The following TRPM5 variants were observed in gnomAD, a reference collection of about 807,000 sequenced individuals.
TRPM5 encodes the protein transient receptor potential cation channel subfamily M member 5.
Under a neutral mutation model 124.9 loss-of-function variants are expected in TRPM5, and 121 were observed. That is an observed-to-expected ratio of 0.97 (90% CI 0.84 to 1.13). The LOEUF (loss-of-function observed/expected upper bound fraction) is 1.13. TRPM5 is among the 50% of genes most tolerant of loss of function. The probability of loss-of-function intolerance (pLI) is 0.00; values close to 1 mark genes in which losing one functional copy is unlikely to be tolerated. For synonymous variants in TRPM5, 781 were observed against 700.5 expected (o/e 1.11, Z -1.81); for missense variants, 1,643 against 1,589.1 (o/e 1.03, Z -0.58).
upstream of TRPM5, among the ~76,000 whole-genome samples, chr11:2,424,711 C>T (rs534236290): frequency 5.9e-5 from 9 of 152,338 alleles, no homozygotes; most frequent in Non-Finnish European, 1.3e-4. Context: ...CTTGGCCTTG[C>T]CGACAGTTTG....
the TRPM5 span, among the ~76,000 whole-genome samples, chr11:2,440,394 G>A: frequency 6.6e-5 from 10 of 152,146 alleles, no homozygotes; most frequent in Non-Finnish European, 1.3e-4. The surrounding 1 kb of genome is among the most constrained non-coding windows in gnomAD (Gnocchi z 5.2). Flanking sequence ...GGAGACATTC[G>A]CCAGGCATAA....
exon 15 of TRPM5, chr11:2,412,832 C>G (rs371789066): frequency 6.2e-7 from 1 of 1,603,248 alleles, no homozygotes; most frequent in Non-Finnish European, 8.5e-7. Flanking sequence ...CCTGGGGGGG[C>G]GGCCTGAAGT....
At chr11:2,424,707 C>T (rs1199893984), upstream of TRPM5, among the ~76,000 whole-genome samples, 1 of 152,242 alleles carries the variant, frequency 6.6e-6, no homozygotes, top group East Asian at 1.9e-4. Flanking sequence ...AGGGCTTGGC[C>T]TTGCCGACAG....
At chr11:2,410,530 T>C (rs935413477) in intron 18 of TRPM5, 2 of 297,762 alleles carry the variant, frequency 6.7e-6, no homozygotes, top group Non-Finnish European at 1.4e-5. Context: ...GAGGGGTGCG[T>C]CCCTTTCCAG....
upstream of TRPM5, among the ~76,000 whole-genome samples, chr11:2,426,305 C>T (rs1845839839): frequency 6.6e-6 from 1 of 152,190 alleles, no homozygotes; most frequent in East Asian, 1.9e-4. Flanking sequence ...GCCCCCCGCC[C>T]CCGCCGGCCA....
At chr11:2,443,703 C>T in the TRPM5 span, among the ~76,000 whole-genome samples, 1 of 152,184 alleles carries the variant, frequency 6.6e-6, no homozygotes, top group East Asian at 1.9e-4. This position sits in a 1 kb window ranked among gnomAD's most constrained non-coding sequence, Gnocchi z 5.0. Context: ...GGAAGTGTCA[C>T]ATGAGTTATG....
At chr11:2,423,345 C>G (rs777090093), upstream of TRPM5, among the ~76,000 whole-genome samples, 2 of 152,216 alleles carry the variant, frequency 1.3e-5, no homozygotes, top group Non-Finnish European at 2.9e-5. Context: ...CTACTCACCC[C>G]ACTCAGGGCA....
chr11:2,415,082 C>T (rs1850541184), intron 9 of TRPM5, 35 bp from the exon 15 acceptor site: 1 of 1,585,970 alleles, frequency 6.3e-7, no homozygotes, highest in African/African-American at 1.3e-5. Flanking sequence ...CTGCTGCGGC[C>T]CCAGCCTCGC....
intron 20 of TRPM5, 139 bp from the exon 26 acceptor site, chr11:2,406,932 C>A: frequency 7.2e-7 from 1 of 1,393,178 alleles, no homozygotes; most frequent in South Asian, 1.4e-5. Flanking sequence ...AAGCATGGCC[C>A]TGTGCAAGGA....
At chr11:2,438,666 T>TA in the TRPM5 span, among the ~76,000 whole-genome samples, 3 of 151,334 alleles carry the variant, frequency 2.0e-5, no homozygotes, top group Non-Finnish European at 3.0e-5. The surrounding 1 kb of genome is among the most constrained non-coding windows in gnomAD (Gnocchi z 5.9). Flanking sequence ...GACCCTGTCT[T>TA]AAAAAAAAAT....
At chr11:2,408,636 A>G (rs1850374781) in intron 18 of TRPM5, among the ~76,000 whole-genome samples, 1 of 152,172 alleles carries the variant, frequency 6.6e-6, no homozygotes, top group Admixed American at 6.5e-5. Context: ...CCTTAAAACC[A>G]GACCCTCACA....
chr11:2,410,460 C>T (rs1377450901), intron 18 of TRPM5, among the ~76,000 whole-genome samples: 8 of 152,116 alleles, frequency 5.3e-5, no homozygotes, highest in Admixed American at 5.2e-4. Context: ...GCCGGGTCTC[C>T]AAGTCTGCGG....
chr11:2,431,329 T>G, the TRPM5 span, among the ~76,000 whole-genome samples: 1 of 152,216 alleles, frequency 6.6e-6, no homozygotes, highest in Admixed American at 6.5e-5. Context: ...GAGGGTCCAC[T>G]AGACCCTGAA....
intron 4 of TRPM5, 90 bp downstream of exon 9, chr11:2,420,132 C>T: frequency 6.9e-7 from 1 of 1,449,036 alleles, no homozygotes; most frequent in Non-Finnish European, 9.3e-7. Context: ...TCCCCCTTCT[C>T]CCTGGCGGTC....
chr11:2,416,848 C>T (rs1246269950), intron 7 of TRPM5, among the ~76,000 whole-genome samples: 2 of 152,188 alleles, frequency 1.3e-5, no homozygotes, highest in African/African-American at 4.8e-5. Flanking sequence ...TTTCCATCAG[C>T]GGGTGAACAG....
chr11:2,411,877 C>G (rs1850459878), intron 16 of TRPM5, 110 bp from the exon 22 acceptor site: 1 of 1,370,308 alleles, frequency 7.3e-7, no homozygotes, highest in East Asian at 2.4e-5. Context: ...GCCAGGACTC[C>G]TTGGGCCCTG....
intron 2 of TRPM5, among the ~76,000 whole-genome samples, 167 bp downstream of exon 7, chr11:2,421,974 G>C (rs1845777587): frequency 6.6e-6 from 1 of 151,800 alleles, no homozygotes; most frequent in Non-Finnish European, 1.5e-5. Context: ...CAGGGGGTCT[G>C]GCTGCCGTGT....
chr11:2,405,971 G>T, intron 22 of TRPM5, 48 bp downstream of exon 27: 1 of 1,543,842 alleles, frequency 6.5e-7, no homozygotes. Context: ...GTAGCCCCAC[G>T]CAGCCACCCG....
At chr11:2,404,807 G>A in exon 24 of TRPM5, 1 of 688,314 alleles carries the variant, frequency 1.5e-6, no homozygotes, top group Non-Finnish European at 2.5e-6. Flanking sequence ...TGAGGCACCA[G>A]GAGGGCCATT....
Sources: allele counts gnomAD v4.1 joint callset (sites outside exome capture counted in the v4.1 genomes callset), GRCh38; gene constraint gnomAD v4.1.1; non-coding constraint Gnocchi (gnomAD v3.1); transcripts MANE v1.5; gene names NCBI Gene and HGNC (gene_info 2026-07-23, HGNC 2026-07-21).